Variants in SLC38A6 observed in about 807,000 individuals in gnomAD.
SLC38A6 encodes solute carrier family 38 member 6, also known as N system amino acid transporter NAT-1.
Under a neutral mutation model 65.0 loss-of-function variants are expected in SLC38A6, and 73 were observed. The ratio of observed to expected loss-of-function variants is 1.12; its 90% CI spans 0.93 to 1.37. The LOEUF (loss-of-function observed/expected upper bound fraction) is 1.37, where lower values mean the gene tolerates loss of function less well. SLC38A6 is among the 40% of genes most tolerant of loss of function. The probability of loss-of-function intolerance (pLI) is 0.00; values close to 1 mark genes in which losing one functional copy is unlikely to be tolerated. For synonymous variants in SLC38A6, 183 were observed against 178.8 expected (o/e 1.02, Z -0.19); for missense variants, 561 against 531.1 (o/e 1.06, Z -0.55).
intron 16 of SLC38A6, chr14:61,083,504 A>G: frequency 6.6e-7 from 1 of 1,523,052 alleles, no homozygotes; most frequent in Non-Finnish European, 8.8e-7. Flanking sequence ...TTAAATTAAA[A>G]TGAGGCCATT....
intron 15 of SLC38A6, among the ~76,000 whole-genome samples, chr14:61,073,660 T>C (rs1200263536): frequency 6.6e-6 from 1 of 152,176 alleles, no homozygotes; most frequent in African/African-American, 2.4e-5. Context: ...TAAACATGAA[T>C]GCAAGTTGAA....
At chr14:61,044,182 C>T (rs2041992041) in intron 10 of SLC38A6, among the ~76,000 whole-genome samples, 1 of 152,198 alleles carries the variant, frequency 6.6e-6, no homozygotes. Context: ...TACTTTCTGA[C>T]TCTGCTGAAA....
intron 1 of SLC38A6, 28 bp downstream of exon 1, chr14:60,981,410 G>T: frequency 6.4e-7 from 1 of 1,563,260 alleles, no homozygotes; most frequent in East Asian, 2.4e-5. Context: ...GCTTCCCCGC[G>T]CTGACGCCCT....
downstream of SLC38A6, among the ~76,000 whole-genome samples, chr14:61,054,705 T>G (rs1389019855): frequency 1.3e-5 from 2 of 152,186 alleles, no homozygotes; most frequent in Admixed American, 6.5e-5. Context: ...GCTAGTAATT[T>G]TTGTACATTG....
At chr14:60,982,364 T>G (rs1594938682) in intron 1 of SLC38A6, 144 bp from the exon 2 acceptor site, 2 of 982,714 alleles carry the variant, frequency 2.0e-6, no homozygotes, top group East Asian at 5.3e-5. Context: ...GAAAGGAAAT[T>G]AGTGTTGGTT....
intron 15 of SLC38A6, among the ~76,000 whole-genome samples, chr14:61,075,950 G>A (rs2043401447): frequency 6.6e-6 from 1 of 151,996 alleles, no homozygotes; most frequent in African/African-American, 2.4e-5. Flanking sequence ...CCACCTCCCA[G>A]GTTCAAGCAA....
At chr14:61,045,729 C>T (rs554628520) in intron 11 of SLC38A6, among the ~76,000 whole-genome samples, 1 of 151,324 alleles carries the variant, frequency 6.6e-6, no homozygotes, top group Non-Finnish European at 1.5e-5. Flanking sequence ...ACTAAAAATA[C>T]AAAAAAAATA....
At position 60,981,429 on chromosome 14, in the gene SLC38A6, C is replaced by A. The variant is rs116126956; in HGVS notation, c.105+47C>A. 3.4e-4 allele frequency: 530 copies of A among 1,551,488 alleles called. 1 individual carries two copies. In the African/African-American group the frequency reaches 6.7e-3, roughly 20 times the overall value. On this transcript the variant is annotated intron_variant, in intron 1 of 15. Transcript: ENST00000267488. ...CCCCGCGCTGACGCCCTCCGGCTTC[C>A]CTCAAGTGCCTGCCAAATAAGACCC...
chr14:60,981,593 A>T, intron 1 of SLC38A6: 1 of 1,503,738 alleles, frequency 6.7e-7, no homozygotes, highest in South Asian at 1.2e-5. Context: ...CTCTAGAAAG[A>T]AAAGATGAAA....
At chr14:60,998,285 C>T (rs1291070887) in intron 3 of SLC38A6, among the ~76,000 whole-genome samples, 2 of 151,794 alleles carry the variant, frequency 1.3e-5, no homozygotes, top group African/African-American at 2.4e-5. Context: ...CCTGCCATCC[C>T]CGCATCCTGT....
chr14:61,050,450 C>T (rs2042441112), intron 12 of SLC38A6, 62 bp from the exon 13 acceptor site: 1 of 1,177,568 alleles, frequency 8.5e-7, no homozygotes, highest in Admixed American at 2.9e-5. Flanking sequence ...CAAAGGAAAA[C>T]AATTTTGTTA....
At chr14:60,990,837 CCA>C (rs1321447891) in intron 3 of SLC38A6, among the ~76,000 whole-genome samples, 18 of 152,062 alleles carry the variant, frequency 1.2e-4, no homozygotes, top group Non-Finnish European at 1.2e-4. Flanking sequence ...ATGTGCGTCA[CCA>C]CACCTGGCTC....
intron 3 of SLC38A6, among the ~76,000 whole-genome samples, chr14:61,015,679 C>G (rs1168767818): frequency 2.6e-5 from 4 of 152,068 alleles, no homozygotes; most frequent in Non-Finnish European, 5.9e-5. Flanking sequence ...TGAAAATTAC[C>G]AGAGATTTTT....
chr14:61,009,961 A>C (rs1397470137), intron 3 of SLC38A6, among the ~76,000 whole-genome samples: 1 of 152,188 alleles, frequency 6.6e-6, no homozygotes, highest in African/African-American at 2.4e-5. Flanking sequence ...CACCACACTG[A>C]CTTCCACAAT....
chr14:61,015,992 A>G (rs200444166), intron 4 of SLC38A6, 36 bp downstream of exon 4: 3 of 1,536,704 alleles, frequency 2.0e-6, no homozygotes, highest in Non-Finnish European at 2.7e-6. Context: ...TCCAAAACCC[A>G]AAGTGGCATT....
chr14:61,079,844 G>A (rs751490531), intron 16 of SLC38A6, among the ~76,000 whole-genome samples: 5 of 152,082 alleles, frequency 3.3e-5, no homozygotes, highest in African/African-American at 4.8e-5. Context: ...AACAACGAAG[G>A]ATTTCTTTGA....
Position 61,011,662 on chromosome 14 carries a change from C to A in SLC38A6, c.311-4242C>A, listed in dbSNP as rs559514659. Reference sequence around the variant, plus strand: ...AATCATGTGGTTTTTGTCTTTGGCTCTGTTTATATGCTGGATTACATTTAT... The same window carrying A: ...AATCATGTGGTTTTTGTCTTTGGCTATGTTTATATGCTGGATTACATTTAT... On this transcript the variant is annotated intron_variant, in intron 3 of 15. Transcript: ENST00000267488. Among the ~76,000 whole-genome samples, 14 of 152,260 alleles carry A rather than the reference C, an allele frequency of 9.2e-5. No homozygotes were observed. In the South Asian group the frequency reaches 2.9e-3, roughly 32 times the overall value.
chr14:61,068,056 A>G (rs946021132), intron 15 of SLC38A6, among the ~76,000 whole-genome samples: 1 of 152,134 alleles, frequency 6.6e-6, no homozygotes, highest in Admixed American at 6.6e-5. Context: ...TCTAACCTGC[A>G]TTTCCTCACT....
At chr14:61,066,743 C>A (rs1410025810) in intron 15 of SLC38A6, among the ~76,000 whole-genome samples, 1 of 152,074 alleles carries the variant, frequency 6.6e-6, no homozygotes, top group Non-Finnish European at 1.5e-5. Flanking sequence ...GATTTTGCAT[C>A]CTGAAAATAC....
Sources: allele counts gnomAD v4.1 joint callset (sites outside exome capture counted in the v4.1 genomes callset), GRCh38; gene constraint gnomAD v4.1.1; transcripts MANE v1.5; gene names NCBI Gene and HGNC (gene_info 2026-07-23, HGNC 2026-07-21).